Variants in ZNF44 observed in about 807,000 individuals in gnomAD.
The protein encoded by ZNF44 is zinc finger protein 44.
A neutral mutation model predicts 11.7 loss-of-function variants in ZNF44; 9 were observed. The ratio of observed to expected loss-of-function variants is 0.77; its 90% CI spans 0.46 to 1.35. The LOEUF (loss-of-function observed/expected upper bound fraction) is 1.35. Ranked by LOEUF, ZNF44 falls within the 40% of genes most tolerant of loss-of-function variation. The pLI, the probability that ZNF44 is intolerant of heterozygous loss-of-function variation, is 0.00. For synonymous variants in ZNF44, 224 were observed against 242.7 expected (o/e 0.92, Z 0.72); for missense variants, 696 against 743.1 (o/e 0.94, Z 0.74).
chr19:12,242,270 G>A (rs1916643163), upstream of ZNF44, among the ~76,000 whole-genome samples: 1 of 152,134 alleles, frequency 6.6e-6, no homozygotes, highest in Non-Finnish European at 1.5e-5. Flanking sequence ...CACTTTGGGA[G>A]GCCGAGGTGG....
intron 1 of ZNF44, among the ~76,000 whole-genome samples, chr19:12,283,421 C>T (rs901432743): frequency 6.6e-5 from 10 of 152,090 alleles, no homozygotes; most frequent in Non-Finnish European, 1.0e-4. Context: ...CTCCGCCTCC[C>T]GAGTTCATGC....
chr19:12,249,952 T>C (rs1916925780), intron 7 of ZNF44: 1 of 1,260,506 alleles, frequency 7.9e-7, no homozygotes. Flanking sequence ...CCTAGAATAC[T>C]GCTTTCTTTT....
At chr19:12,282,933 AAT>A (rs1433016898) in intron 1 of ZNF44, among the ~76,000 whole-genome samples, 1 of 152,190 alleles carries the variant, frequency 6.6e-6, no homozygotes, top group Non-Finnish European at 1.5e-5. Context: ...ATCTATAGGC[AAT>A]GATTGTAACG....
intron 3 of ZNF44, among the ~76,000 whole-genome samples, chr19:12,228,188 ACC>A (rs1353258992): frequency 1.0e-3 from 123 of 121,628 alleles, no homozygotes; most frequent in African/African-American, 4.0e-3. Flanking sequence ...ACTTTTTTAA[ACC>A]TTCAAAACAA....
At chr19:12,225,291 T>C (rs1915867857), downstream of ZNF44, 1 of 152,392 alleles carries the variant, frequency 6.6e-6, no homozygotes. Flanking sequence ...TGAAAAAGGT[T>C]AATTAGGCAG....
downstream of ZNF44, chr19:12,247,433 A>G: frequency 7.5e-7 from 1 of 1,325,046 alleles, no homozygotes. Flanking sequence ...CACATTCTTT[A>G]CATTCATAGG....
intron 1 of ZNF44, among the ~76,000 whole-genome samples, chr19:12,287,030 TAC>T (rs899550234): frequency 1.6e-4 from 23 of 142,000 alleles, no homozygotes; most frequent in Non-Finnish European, 2.0e-4. Flanking sequence ...TATATATATA[TAC>T]ACACACACAC....
chr19:12,271,997 AC>A lies in ZNF44; in HGVS notation c.*409del, dbSNP rs1966966670. The A allele has an allele frequency of 6.8e-6, 1 of 147,826 alleles. No homozygotes were observed. The highest frequency in any genetic ancestry group is 2.6e-5 in the African/African-American group (1 of 39,044). 9.2% of individuals were successfully genotyped at this position (147,826 alleles called of 1,614,324 possible). A position where few individuals can be genotyped will look rare whatever the true frequency, so the allele number is the denominator to read the frequency against. ...GCAACTCTATTTGAAAGAAATGGAA[AC>A]TTTTTTTTTTTTTTTTGAGATGGAG... On this transcript the variant is annotated 3_prime_UTR_variant, in exon 4 of 4. Transcript: ENST00000355684.
At chr19:12,240,117 A>G (rs1488036968), upstream of ZNF44, among the ~76,000 whole-genome samples, 1 of 152,102 alleles carries the variant, frequency 6.6e-6, no homozygotes, top group Admixed American at 6.5e-5. Flanking sequence ...ATTAATCTAC[A>G]GATACAATGC....
chr19:12,230,565 A>T (rs1916118570), intron 2 of ZNF44: 1 of 149,890 alleles, frequency 6.7e-6, no homozygotes, highest in Admixed American at 6.6e-5. Context: ...AGTGAACTGA[A>T]TAAAAAGACA....
chr19:12,292,563 G>A (rs1043294223), intron 1 of ZNF44, among the ~76,000 whole-genome samples: 3 of 152,082 alleles, frequency 2.0e-5, no homozygotes, highest in Non-Finnish European at 1.5e-5. Flanking sequence ...AGGTCAGGTC[G>A]TTCTATCACC....
At chr19:12,278,304 T>C (rs184685319) in intron 1 of ZNF44, among the ~76,000 whole-genome samples, 9 of 152,298 alleles carry the variant, frequency 5.9e-5, no homozygotes, top group Admixed American at 5.9e-4. Flanking sequence ...GTCTATAATC[T>C]ATAGAAACAA....
chr19:12,287,977 C>T (rs535951777), intron 1 of ZNF44, among the ~76,000 whole-genome samples: 13 of 152,168 alleles, frequency 8.5e-5, no homozygotes, highest in African/African-American at 2.6e-4. Context: ...TGGTTCTGAC[C>T]CATGGTGTAT....
At chr19:12,247,623 G>A, downstream of ZNF44, 4 of 1,337,118 alleles carry the variant, frequency 3.0e-6, no homozygotes, top group Middle Eastern at 6.3e-4. Flanking sequence ...TTTCTTTGCA[G>A]TGTGCATCCT....
At chr19:12,287,898 G>A (rs778288623) in intron 1 of ZNF44, among the ~76,000 whole-genome samples, 1 of 152,146 alleles carries the variant, frequency 6.6e-6, no homozygotes, top group Non-Finnish European at 1.5e-5. Context: ...AAACTGAAGA[G>A]GCAAAATTAT....
chr19:12,283,733 A>C (rs984238465), intron 1 of ZNF44, among the ~76,000 whole-genome samples: 15 of 152,232 alleles, frequency 9.9e-5, no homozygotes, highest in Admixed American at 3.9e-4. Context: ...CATTAAGAAG[A>C]AGCAGGCATA....
At chr19:12,282,426 T>TC (rs1967512489) in intron 1 of ZNF44, among the ~76,000 whole-genome samples, 1 of 149,376 alleles carries the variant, frequency 6.7e-6, no homozygotes, top group Non-Finnish European at 1.5e-5. Flanking sequence ...GTCTTCTTTT[T>TC]TTTTTTTTTT....
intron 2 of ZNF44, chr19:12,234,666 C>T (rs1448870269): frequency 6.6e-6 from 1 of 152,184 alleles, no homozygotes; most frequent in Non-Finnish European, 1.5e-5. Flanking sequence ...AGTATCCTCA[C>T]CTATAGAAGC....
At chr19:12,260,250 C>G in intron 5 of ZNF44, 1 of 812,748 alleles carries the variant, frequency 1.2e-6, no homozygotes, top group Non-Finnish European at 2.2e-6. Flanking sequence ...CTACAACGGG[C>G]TGATTCACCA....
Sources: allele counts gnomAD v4.1 joint callset (sites outside exome capture counted in the v4.1 genomes callset), GRCh38; gene constraint gnomAD v4.1.1; transcripts MANE v1.5; gene names NCBI Gene and HGNC (gene_info 2026-07-23, HGNC 2026-07-21).